Variants in PDE3B observed in about 807,000 individuals in gnomAD.
The protein encoded by PDE3B is phosphodiesterase 3B.
In PDE3B, 66 loss-of-function variants were observed where a neutral mutation model predicts 116.8. The ratio of observed to expected loss-of-function variants is 0.56; its 90% confidence interval spans 0.46 to 0.69. The LOEUF (loss-of-function observed/expected upper bound fraction) is 0.69. Among genes scored for constraint, PDE3B ranks in the 30% least tolerant of loss-of-function variants. The pLI is 0.00. For synonymous variants in PDE3B, 595 were observed against 533.6 expected, an observed-to-expected ratio of 1.12 and a Z score of -1.59; for missense variants, 1,384 against 1,368.1, an observed-to-expected ratio of 1.01 and a Z score of -0.18.
At chr11:14,799,318 C>G (rs1352123562) in intron 4 of PDE3B, among the ~76,000 whole-genome samples, 1 of 152,110 alleles carries the variant, frequency 6.6e-6, no homozygotes, top group Non-Finnish European at 1.5e-5. Flanking sequence ...GATTTCTGTT[C>G]TTTTGCCTTT....
At chr11:14,867,941 G>A (rs1397184032) in intron 15 of PDE3B, among the ~76,000 whole-genome samples, 183 bp downstream of exon 15, 1 of 152,104 alleles carries the variant, frequency 6.6e-6, no homozygotes, top group South Asian at 2.1e-4. Flanking sequence ...TAAATATAAT[G>A]CAAATATTCC....
chr11:14,675,825 T>C (rs958728059), intron 1 of PDE3B, among the ~76,000 whole-genome samples: 1 of 152,178 alleles, frequency 6.6e-6, no homozygotes, highest in Non-Finnish European at 1.5e-5. Context: ...GTTTTTGCCT[T>C]ATGAATTAGG....
rs1853270475 is a variant in PDE3B, at chr11:14,643,939, C to T, written c.-137C>T. 3 of 1,274,670 alleles carry T rather than the reference C, an allele frequency of 2.4e-6. No individual in the cohort carries two copies. The highest frequency in any genetic ancestry group is 2.0e-5 in the South Asian group (1 of 50,806). 79.0% of individuals were successfully genotyped at this position (1,274,670 alleles called of 1,614,324 possible). A position where few individuals can be genotyped will look rare whatever the true frequency, so the allele number is the denominator to read the frequency against. On this transcript the variant is annotated 5_prime_UTR_variant, in exon 1 of 16. Coordinates refer to ENST00000282096, the MANE Select transcript of PDE3B (RefSeq NM_000922.4). ...AGTCCGCGCGGTGGGGACCCCGGGCCGTGGCGGCCGGCGCAGCCCTGACGG... is the reference window on the plus strand; with the variant it reads ...AGTCCGCGCGGTGGGGACCCCGGGCTGTGGCGGCCGGCGCAGCCCTGACGG...
intron 1 of PDE3B, among the ~76,000 whole-genome samples, chr11:14,708,593 A>G (rs1855601250): frequency 6.6e-6 from 1 of 152,068 alleles, no homozygotes; most frequent in Non-Finnish European, 1.5e-5. Context: ...TCAGCTGACA[A>G]AATTGTACTA....
At chr11:14,890,570 G>T in the PDE3B span, 1 of 267,022 alleles carries the variant, frequency 3.7e-6, no homozygotes, top group Non-Finnish European at 4.7e-6. Flanking sequence ...TTTTTGAGAC[G>T]GAGTCTGGCT....
chr11:14,652,520 G>A (rs1417934202), intron 1 of PDE3B, among the ~76,000 whole-genome samples: 1 of 152,092 alleles, frequency 6.6e-6, no homozygotes, highest in African/African-American at 2.4e-5. Flanking sequence ...TGCAAAAAAT[G>A]TCATTGGGGT....
intron 1 of PDE3B, among the ~76,000 whole-genome samples, chr11:14,749,124 A>T (rs1261837867): frequency 2.0e-5 from 3 of 152,144 alleles, no homozygotes; most frequent in Admixed American, 6.5e-5. Flanking sequence ...CTTGGCCTCA[A>T]GTGATGCACC....
intron 1 of PDE3B, among the ~76,000 whole-genome samples, chr11:14,681,443 G>A (rs1477346648): frequency 1.3e-5 from 2 of 152,148 alleles, no homozygotes; most frequent in Admixed American, 6.5e-5. Flanking sequence ...GGTTTTGTAA[G>A]GGAGAGTTTC....
chr11:14,739,409 C>T (rs1856698417), intron 1 of PDE3B, among the ~76,000 whole-genome samples: 1 of 151,874 alleles, frequency 6.6e-6, no homozygotes, highest in African/African-American at 2.4e-5. Flanking sequence ...CTGTTTGCCT[C>T]TTATTGGTAT....
At chr11:14,830,133 A>G (rs943553668) in intron 7 of PDE3B, among the ~76,000 whole-genome samples, 3 of 152,096 alleles carry the variant, frequency 2.0e-5, no homozygotes, top group Non-Finnish European at 4.4e-5. Flanking sequence ...GTTTTGGGTA[A>G]TTTCCCTGTT....
intron 1 of PDE3B, among the ~76,000 whole-genome samples, chr11:14,662,924 T>C (rs555788314): frequency 0.049 from 7,489 of 151,734 alleles, 455 homozygotes; most frequent in African/African-American, 0.13. Flanking sequence ...TCTAGCAAGG[T>C]AGGCCAACAT....
At chr11:14,829,743 C>T (rs981056582) in intron 7 of PDE3B, among the ~76,000 whole-genome samples, 3 of 152,064 alleles carry the variant, frequency 2.0e-5, no homozygotes, top group Non-Finnish European at 2.9e-5. Context: ...TAATTGGGTA[C>T]TAGGCCTAGT....
chr11:14,881,820 CTTCCTATAAAGTGTGCAGAACCATGA>C, the PDE3B span, among the ~76,000 whole-genome samples: 171 of 152,152 alleles, frequency 1.1e-3, 1 homozygote, highest in Non-Finnish European at 6.6e-4. Context: ...CAGCACCATG[CTTCCTATAAAGTGTGCAGAACCATGA>C]GCCAATTAAA....
chr11:14,723,966 C>G (rs1044034589), intron 1 of PDE3B, among the ~76,000 whole-genome samples: 4 of 152,052 alleles, frequency 2.6e-5, no homozygotes, highest in Non-Finnish European at 5.9e-5. Flanking sequence ...GGGAAGCTAT[C>G]GAAAAGTTTT....
intron 5 of PDE3B, among the ~76,000 whole-genome samples, chr11:14,811,921 C>T (rs925788495): frequency 3.9e-5 from 6 of 152,162 alleles, no homozygotes; most frequent in Non-Finnish European, 8.8e-5. Flanking sequence ...TGGGAGTTCA[C>T]TCATGATTTG....
the PDE3B span, chr11:14,880,337 T>C: frequency 6.2e-7 from 1 of 1,613,314 alleles, no homozygotes; most frequent in Non-Finnish European, 8.5e-7. Flanking sequence ...GGCTTTCTGT[T>C]GACTGAAGCT....
At chr11:14,813,060 A>G (rs1318111640) in intron 5 of PDE3B, among the ~76,000 whole-genome samples, 1 of 152,222 alleles carries the variant, frequency 6.6e-6, no homozygotes, top group Non-Finnish European at 1.5e-5. Flanking sequence ...CACATCTGCC[A>G]GTGCCTTGAT....
intron 1 of PDE3B, among the ~76,000 whole-genome samples, chr11:14,721,727 G>A (rs1469535500): frequency 1.6e-5 from 1 of 63,214 alleles, no homozygotes; most frequent in African/African-American, 6.9e-5. Context: ...TGAACAATGA[G>A]ATCACATGGT....
At chr11:14,836,723 C>G (rs547660957) in intron 11 of PDE3B, among the ~76,000 whole-genome samples, 81 of 152,346 alleles carry the variant, frequency 5.3e-4, no homozygotes, top group Non-Finnish European at 1.0e-3. Context: ...ATCAACAGAA[C>G]TATTTTTCTC....
Sources: gnomAD v4.1 joint callset for allele counts (sites outside exome capture counted in the v4.1 genomes callset) on GRCh38, gnomAD v4.1.1 for gene constraint, MANE v1.5 for transcripts, NCBI Gene and HGNC (gene_info 2026-07-23, HGNC 2026-07-21) for gene names.